The following GPC6 variants were observed in gnomAD, a reference collection of about 807,000 sequenced individuals.
GPC6 encodes glypican-6.
In GPC6, 14 loss-of-function variants were observed where a neutral mutation model predicts 55.2. The observed-to-expected ratio is 0.25, with a 90% CI of 0.17 to 0.40. GPC6 has a LOEUF of 0.40. Among genes scored for constraint, GPC6 ranks in the 10% least tolerant of loss-of-function variants. The pLI, the probability that GPC6 is intolerant of heterozygous loss-of-function variation, is 1.00. For synonymous variants in GPC6, 278 were observed against 259.6 expected (o/e 1.07, Z -0.68); for missense variants, 641 against 708.5 (o/e 0.90, Z 1.08).
intron 3 of GPC6, among the ~76,000 whole-genome samples, chr13:93,953,057 C>A (rs1594616348): frequency 6.6e-6 from 1 of 151,936 alleles, no homozygotes; most frequent in Admixed American, 6.6e-5. Flanking sequence ...CTTGCCCATG[C>A]TTAGATGCTG....
intron 2 of GPC6, among the ~76,000 whole-genome samples, chr13:93,740,124 A>G (rs1405042384): frequency 6.6e-6 from 1 of 152,188 alleles, no homozygotes; most frequent in African/African-American, 2.4e-5. Context: ...AATAACCAGT[A>G]AGACAGTTGT....
intron 2 of GPC6, among the ~76,000 whole-genome samples, chr13:93,634,580 G>A (rs780868004): frequency 1.3e-5 from 2 of 152,114 alleles, no homozygotes; most frequent in African/African-American, 2.4e-5. Flanking sequence ...TTGTGGTTCC[G>A]GGATGTTTGA....
chr13:93,520,952 T>C (rs953810629), intron 1 of GPC6, among the ~76,000 whole-genome samples: 4 of 151,964 alleles, frequency 2.6e-5, no homozygotes, highest in Non-Finnish European at 5.9e-5. Flanking sequence ...ATCTATAGAG[T>C]GTGGAGGTCA....
At chr13:93,267,991 A>G (rs1180621876) in intron 1 of GPC6, among the ~76,000 whole-genome samples, 2 of 152,134 alleles carry the variant, frequency 1.3e-5, no homozygotes, top group East Asian at 3.8e-4. Context: ...TACTTGATTT[A>G]CTCATTCATT....
At chr13:94,060,104 A>T (rs1241087496) in intron 4 of GPC6, among the ~76,000 whole-genome samples, 3 of 152,166 alleles carry the variant, frequency 2.0e-5, no homozygotes, top group Non-Finnish European at 4.4e-5. Flanking sequence ...ATTTTAAAAA[A>T]TGTGGAGATG....
chr13:94,321,448 G>A (rs1175389561), intron 6 of GPC6, among the ~76,000 whole-genome samples: 8 of 152,074 alleles, frequency 5.3e-5, no homozygotes, highest in Non-Finnish European at 2.9e-5. Flanking sequence ...GGGATTGCTG[G>A]GTCAAATGGT....
Position 93,231,346 on chromosome 13 carries a change from C to CAT in GPC6, c.160+3742_160+3743dup, listed in dbSNP as rs1272629504. Among the ~76,000 whole-genome samples, 48 of 24,148 alleles carry CAT rather than the reference C, an allele frequency of 2.0e-3. 1 individual carries two copies. Among genetic ancestry groups the CAT allele is most frequent in the Admixed American group, 2.8e-3 (5 of 1,806 alleles). 15.8% of individuals were successfully genotyped at this position (24,148 alleles called of 152,430 possible). A position where few individuals can be genotyped will look rare whatever the true frequency, so the allele number is the denominator to read the frequency against. On this transcript the variant is annotated intron_variant, in intron 1 of 8. Coordinates refer to ENST00000377047, the MANE Select transcript of GPC6 (RefSeq NM_005708.5). ...ATATATATACGTATATATATATATA[C>CAT]ATATATATATATACGTATATATATA...
chr13:93,462,276 C>T (rs146653127), intron 1 of GPC6, among the ~76,000 whole-genome samples: 12 of 152,196 alleles, frequency 7.9e-5, no homozygotes, highest in South Asian at 2.1e-4. Flanking sequence ...AGAAAGCAGA[C>T]GGAGAATGAT....
At chr13:93,640,452 A>G (rs1879865933) in intron 2 of GPC6, among the ~76,000 whole-genome samples, 1 of 152,048 alleles carries the variant, frequency 6.6e-6, no homozygotes, top group South Asian at 2.1e-4. Context: ...CTACAAGGTC[A>G]TACATCTTGC....
At chr13:93,680,530 G>A (rs187593639) in intron 2 of GPC6, among the ~76,000 whole-genome samples, 27 of 152,302 alleles carry the variant, frequency 1.8e-4, no homozygotes, top group African/African-American at 6.5e-4. Flanking sequence ...GAAGTACGCA[G>A]AGAGATAGCA....
chr13:93,434,710 G>T (rs1336855734), intron 1 of GPC6, among the ~76,000 whole-genome samples: 1 of 152,080 alleles, frequency 6.6e-6, no homozygotes, highest in Non-Finnish European at 1.5e-5. Flanking sequence ...CTGATTTTTA[G>T]TTTTTGTTTG....
chr13:94,346,201 A>G (rs1878280828), intron 6 of GPC6, among the ~76,000 whole-genome samples: 1 of 152,126 alleles, frequency 6.6e-6, no homozygotes, highest in Admixed American at 6.6e-5. Flanking sequence ...CTCACCTTCC[A>G]TACTGAGGTT....
At chr13:93,337,244 A>G (rs1880078416) in intron 1 of GPC6, among the ~76,000 whole-genome samples, 2 of 152,210 alleles carry the variant, frequency 1.3e-5, no homozygotes, top group Non-Finnish European at 2.9e-5. Flanking sequence ...TGTGCATTAC[A>G]TTAGCCATGA....
intron 1 of GPC6, among the ~76,000 whole-genome samples, chr13:93,329,854 C>T (rs1296277727): frequency 6.6e-6 from 1 of 151,704 alleles, no homozygotes; most frequent in East Asian, 1.9e-4. Context: ...AAAAAAAAAC[C>T]CTTGTTGCAA....
In GPC6 at chr13:94,241,396, A is replaced by T. The variant is rs12430017; in HGVS notation, c.878-44953A>T. On this transcript the variant is annotated intron_variant, in intron 4 of 8. Transcript: ENST00000377047. ...AAATTGGATTGCATGGCTTTCTGGC[A>T]TACATTTTTGGTCTTAAGGAAGTCC... Among the ~76,000 whole-genome samples the T allele has an allele frequency of 8.2e-3, 1,254 of 152,228 alleles. 37 individuals carry two copies. Among genetic ancestry groups the T allele is most frequent in the Admixed American group, 0.049 (750 of 15,284 alleles).
intron 2 of GPC6, among the ~76,000 whole-genome samples, chr13:93,790,256 T>A (rs888301400): frequency 1.3e-5 from 2 of 152,208 alleles, no homozygotes; most frequent in Non-Finnish European, 2.9e-5. Context: ...ATTCAATTCA[T>A]AATCTTGAAT....
intron 4 of GPC6, among the ~76,000 whole-genome samples, chr13:94,055,547 A>C (rs748038480): frequency 6.6e-6 from 1 of 152,232 alleles, no homozygotes; most frequent in African/African-American, 2.4e-5. Context: ...TGAAAAGAAT[A>C]GTTTATAGTT....
intron 1 of GPC6, among the ~76,000 whole-genome samples, chr13:93,501,505 A>G (rs1880519313): frequency 1.3e-5 from 2 of 152,194 alleles, no homozygotes; most frequent in Admixed American, 1.3e-4. Flanking sequence ...CATAAAAATG[A>G]GTAATAGTTT....
chr13:93,502,083 AG>A (rs1306429549), intron 1 of GPC6, among the ~76,000 whole-genome samples: 14 of 152,260 alleles, frequency 9.2e-5, no homozygotes, highest in African/African-American at 2.9e-4. Context: ...TAAAATCTTC[AG>A]GCTTTCTGTA....
Sources: allele counts gnomAD v4.1 joint callset (sites outside exome capture counted in the v4.1 genomes callset), GRCh38; gene constraint gnomAD v4.1.1; transcripts MANE v1.5; gene names NCBI Gene and HGNC (gene_info 2026-07-23, HGNC 2026-07-21).